Variants in KCNK13 observed in about 807,000 individuals in gnomAD.
The protein encoded by KCNK13 is potassium two pore domain channel subfamily K member 13, also known as potassium channel subfamily K member 13.
In KCNK13, 12 loss-of-function variants were observed where a neutral mutation model predicts 23.4. The observed-to-expected ratio is 0.51, with a 90% CI of 0.33 to 0.83. The LOEUF is 0.83. Among genes scored for constraint, KCNK13 ranks in the 40% least tolerant of loss-of-function variants. The pLI, the probability that KCNK13 is intolerant of heterozygous loss-of-function variation, is 0.02. For synonymous variants in KCNK13, 231 were observed against 229.5 expected, an observed-to-expected ratio of 1.01 and a Z score of -0.06; for missense variants, 463 against 556.3, an observed-to-expected ratio of 0.83 and a Z score of 1.69.
intron 1 of KCNK13, among the ~76,000 whole-genome samples, chr14:90,085,469 G>A (rs1889260450): frequency 6.6e-6 from 1 of 150,854 alleles, no homozygotes; most frequent in Non-Finnish European, 1.5e-5. Flanking sequence ...GGCCAATCTG[G>A]CCAACATGGC....
intron 1 of KCNK13, among the ~76,000 whole-genome samples, chr14:90,120,179 T>C (rs375671864): frequency 2.0e-5 from 3 of 152,216 alleles, no homozygotes; most frequent in East Asian, 3.9e-4. Flanking sequence ...TGGTTTTCTA[T>C]TGCTGTGTTA....
At chr14:90,142,608 C>T (rs1890022752) in intron 1 of KCNK13, among the ~76,000 whole-genome samples, 1 of 152,120 alleles carries the variant, frequency 6.6e-6, no homozygotes, top group South Asian at 2.1e-4. Context: ...ATGAGCCATT[C>T]TGCTCAGCCT....
intron 1 of KCNK13, among the ~76,000 whole-genome samples, chr14:90,084,029 C>T (rs1233925082): frequency 6.6e-6 from 1 of 152,178 alleles, no homozygotes; most frequent in Non-Finnish European, 1.5e-5. Context: ...ATTCCATTGA[C>T]CTATCTGTCT....
intron 1 of KCNK13, among the ~76,000 whole-genome samples, chr14:90,139,818 C>T (rs1167999183): frequency 2.6e-5 from 4 of 152,016 alleles, no homozygotes; most frequent in Admixed American, 1.3e-4. Flanking sequence ...AAAAATTAGC[C>T]GGGCGTCATG....
intron 1 of KCNK13, among the ~76,000 whole-genome samples, chr14:90,129,004 T>C (rs550383768): frequency 6.6e-6 from 1 of 152,224 alleles, no homozygotes; most frequent in African/African-American, 2.4e-5. Flanking sequence ...TTATCATTCT[T>C]TTGTTTTTTC....
At chr14:90,162,109 G>A (rs905242470) in intron 1 of KCNK13, among the ~76,000 whole-genome samples, 6 of 152,186 alleles carry the variant, frequency 3.9e-5, no homozygotes, top group Non-Finnish European at 5.9e-5. Context: ...GAGCCTGGGA[G>A]GGCGAGGCTG....
chr14:90,127,868 A>T (rs1331903278), intron 1 of KCNK13, among the ~76,000 whole-genome samples: 2 of 150,924 alleles, frequency 1.3e-5, no homozygotes, highest in Non-Finnish European at 2.9e-5. Context: ...AGTATGTTTC[A>T]TCTAACAGAG....
chr14:90,140,853 T>C (rs1889997430), intron 1 of KCNK13, among the ~76,000 whole-genome samples: 1 of 152,162 alleles, frequency 6.6e-6, no homozygotes, highest in African/African-American at 2.4e-5. Context: ...TTTGGCAGAA[T>C]TCAGATTAAG....
chr14:90,152,605 A>G (rs1443346286), intron 1 of KCNK13, among the ~76,000 whole-genome samples: 1 of 152,082 alleles, frequency 6.6e-6, no homozygotes, highest in Non-Finnish European at 1.5e-5. Context: ...CTCTCCAGCC[A>G]TGTGGAACTG....
intron 1 of KCNK13, among the ~76,000 whole-genome samples, chr14:90,080,731 C>T (rs1889198940): frequency 1.3e-5 from 2 of 152,106 alleles, no homozygotes; most frequent in South Asian, 2.1e-4. Flanking sequence ...ACTCCTCACC[C>T]TAGACTGTCT....
chr14:90,101,790 C>CGAAAAAAAAAAAA (rs1555402342), intron 1 of KCNK13, among the ~76,000 whole-genome samples: 1 of 55,594 alleles, frequency 1.8e-5, no homozygotes, highest in East Asian at 4.5e-4. Context: ...ACTCCGTCTC[C>CGAAAAAAAAAAAA]AAAAAAAAAA....
rs541111208 is a variant in KCNK13 at position 90,089,802 on chromosome 14, G to C, written c.334+27263G>C. 5.3e-5 allele frequency among the ~76,000 whole-genome samples: 8 copies of C among 152,348 alleles called. No individual in the cohort carries two copies. The South Asian group carries it at 8.3e-4, about 16-fold the overall frequency. ...CCAGACAATCCAGCCATGACTAAAA[G>C]GGGCCAAGGTACAGCTCAGGCTGTG... is the stretch of plus-strand genomic sequence containing the variant. On this transcript the variant is annotated intron_variant, in intron 1 of 1. Transcript: ENST00000282146.
chr14:90,183,466 T>C lies in KCNK13; in HGVS notation c.335-645T>C, dbSNP rs114653886. Among the ~76,000 whole-genome samples, 1,183 of 152,220 alleles carry C rather than the reference T, an allele frequency of 7.8e-3. 15 individuals carry two copies. Among genetic ancestry groups the C allele is most frequent in the African/African-American group, 0.027 (1,141 of 41,558 alleles). On this transcript the variant is annotated intron_variant, in intron 1 of 1. Coordinates refer to ENST00000282146, the MANE Select transcript of KCNK13 (RefSeq NM_022054.4). The stretch of plus-strand genomic sequence containing the variant: ...GCCTGCCTAACTCCTCTTTAGCTTT[T>C]GGGTCTCCCTGCTTCATCTTTTCTA...
intron 1 of KCNK13, among the ~76,000 whole-genome samples, chr14:90,171,005 G>A (rs571284069): frequency 5.3e-5 from 8 of 152,154 alleles, no homozygotes; most frequent in East Asian, 1.9e-4. Flanking sequence ...CAGGTTTGCC[G>A]GACCCAGTTC....
chr14:90,100,679 C>A (rs11628414), intron 1 of KCNK13, among the ~76,000 whole-genome samples: 40,595 of 152,004 alleles, frequency 0.27, 6,184 homozygotes, highest in South Asian at 0.4. Flanking sequence ...ATTGCATTTG[C>A]ATCTCAGCAC....
At chr14:90,153,758 T>C (rs934677853) in intron 1 of KCNK13, among the ~76,000 whole-genome samples, 1 of 152,218 alleles carries the variant, frequency 6.6e-6, no homozygotes, top group Non-Finnish European at 1.5e-5. Context: ...CTCTGAGCTG[T>C]GAAGATCAGC....
At chr14:90,164,545 C>A (rs912624982) in intron 1 of KCNK13, among the ~76,000 whole-genome samples, 1 of 152,134 alleles carries the variant, frequency 6.6e-6, no homozygotes, top group Non-Finnish European at 1.5e-5. Context: ...TAGGGTTGTT[C>A]CCTAGAGTTA....
intron 1 of KCNK13, among the ~76,000 whole-genome samples, chr14:90,128,136 C>A (rs1889824672): frequency 6.6e-6 from 1 of 152,140 alleles, no homozygotes; most frequent in Non-Finnish European, 1.5e-5. Context: ...GGAGGAAGAA[C>A]AGGAATTGTG....
At chr14:90,103,274 G>C (rs372214525) in intron 1 of KCNK13, among the ~76,000 whole-genome samples, 2 of 152,166 alleles carry the variant, frequency 1.3e-5, no homozygotes, top group Non-Finnish European at 2.9e-5. Context: ...TTTGAAAAAT[G>C]ATCTGTTTTC....
Sources: gnomAD v4.1 joint callset for allele counts (sites outside exome capture counted in the v4.1 genomes callset) on GRCh38, gnomAD v4.1.1 for gene constraint, MANE v1.5 for transcripts, NCBI Gene and HGNC (gene_info 2026-07-23, HGNC 2026-07-21) for gene names.